The following P4HB variants were observed in gnomAD, a reference collection of about 807,000 sequenced individuals.
P4HB encodes the protein prolyl 4-hydroxylase subunit beta, also known as protein disulfide-isomerase.
A neutral mutation model predicts 52.6 loss-of-function variants in P4HB; 20 were observed. The ratio of observed to expected loss-of-function variants is 0.38; its 90% confidence interval spans 0.27 to 0.55. The LOEUF (loss-of-function observed/expected upper bound fraction) is 0.55, where lower values mean the gene tolerates loss of function less well. Ranked by LOEUF, P4HB falls within the 20% of genes least tolerant of loss-of-function variation. The pLI, the probability that P4HB is intolerant of heterozygous loss-of-function variation, is 0.74. For missense variants in P4HB, 601 were observed against 669.2 expected (o/e 0.90, Z 1.12); for synonymous variants, 296 against 277.9 (o/e 1.07, Z -0.65).
chr17:81,855,102 C>G lies in P4HB; in HGVS notation c.624+40G>C, dbSNP rs1285188398. On this transcript the variant is annotated intron_variant, in intron 4 of 10. Coordinates refer to ENST00000331483, the MANE Select transcript of P4HB (RefSeq NM_000918.4). The surrounding 1 kb of genome is among the most constrained non-coding windows in gnomAD (Gnocchi z 4.3). ...GCAACGCCACCCTCTGCAGACCAAC[C>G]CCAGAACTAACCTGGGCAGAGCTGC... is the stretch of plus-strand genomic sequence containing the variant. 1 of 1,610,350 alleles carries G rather than the reference C, an allele frequency of 6.2e-7. No homozygotes were observed. Among genetic ancestry groups the G allele is most frequent in the African/African-American group, 1.3e-5 (1 of 74,850 alleles).
chr17:81,855,212 C>G lies in P4HB; in HGVS notation c.554G>C (p.Gly185Ala), dbSNP rs1432129084. The G allele has an allele frequency of 6.2e-7, 1 of 1,613,804 alleles. No individual in the cohort carries two copies. Among genetic ancestry groups the G allele is most frequent in the African/African-American group, 1.3e-5 (1 of 74,888 alleles). Residue 185 changes from glycine to alanine, a missense_variant, in exon 4 of 11, where the codon GGG becomes GCG. Transcript: ENST00000331483. This position sits in a 1 kb window ranked among gnomAD's most constrained non-coding sequence, Gnocchi z 4.3. ...GAACACGTCACTGTTGGAAGTGATC[C>G]CAAATGGTATGTCATCGATGGCCTC... Reference protein sequence around the residue: ...AAEAIDDIPFGITSNSDVFSK... With the variant: ...AAEAIDDIPFAITSNSDVFSK...
In P4HB at chr17:81,846,510, G is replaced by T. The variant is rs1174088702; in HGVS notation, c.975C>A (p.Thr325=). 1.2e-6 allele frequency: 2 copies of T among 1,613,942 alleles called. No individual in the cohort carries two copies. Among genetic ancestry groups the T allele is most frequent in the East Asian group, 4.5e-5 (2 of 44,882 alleles). The stretch of plus-strand genomic sequence containing the variant: ...GCTCCTCCGATTCGGGCTTGTACTT[G>T]GTCATCTCCTCCTCCAGGGTGATGA... The part of the protein sequence containing the change: ...VRLITLEEEM[T]KYKPESEELT... The change falls in exon 7 of 11, where the codon ACC becomes ACA. Residue 325 remains threonine, a synonymous_variant. Transcript: ENST00000331483. The surrounding 1 kb of genome is among the most constrained non-coding windows in gnomAD (Gnocchi z 5.7).
intron 1 of P4HB, 97 bp from the exon 2 acceptor site, chr17:81,859,484 C>T (rs1004255855): frequency 4.6e-6 from 5 of 1,082,358 alleles, no homozygotes; most frequent in Non-Finnish European, 6.9e-6. Flanking sequence ...CATTTCCCTT[C>T]ATAAAAACCT....
intron 4 of P4HB, among the ~76,000 whole-genome samples, chr17:81,848,736 CAAAAAAAAAAAA>C (rs770133887): frequency 0.012 from 305 of 24,482 alleles, 3 homozygotes; most frequent in African/African-American, 0.043. Flanking sequence ...AACTCTGTCT[CAAAAAAAAAAAA>C]AAAAAAAAAA....
intron 4 of P4HB, among the ~76,000 whole-genome samples, chr17:81,851,896 A>G (rs748646389): frequency 1.3e-5 from 2 of 152,184 alleles, no homozygotes; most frequent in African/African-American, 2.4e-5. Flanking sequence ...GAAACGCCCA[A>G]TGCAGGCCGG....
At position 81,843,349 on chromosome 17, in the gene P4HB, G is replaced by T. The variant is rs1419964409; in HGVS notation, c.*663C>A. 1.3e-5 allele frequency: 5 copies of T among 396,730 alleles called. No individual in the cohort carries two copies. The highest frequency in any genetic ancestry group is 2.2e-5 in the Non-Finnish European group (5 of 225,504). 24.6% of individuals were successfully genotyped at this position (396,730 alleles called of 1,614,324 possible). Reference sequence around the variant, plus strand: ...CTGTAGAGAGGCCAGTGGTCACAATGAGCCCACGACAGGAGGAGGAGCCCT... The same window carrying T: ...CTGTAGAGAGGCCAGTGGTCACAATTAGCCCACGACAGGAGGAGGAGCCCT... On this transcript the variant is annotated 3_prime_UTR_variant, in exon 11 of 11. Transcript: ENST00000331483.
chr17:81,851,442 G>C (rs1408735691), intron 4 of P4HB, among the ~76,000 whole-genome samples: 2 of 152,220 alleles, frequency 1.3e-5, no homozygotes, highest in Non-Finnish European at 2.9e-5. Context: ...CCGAACCCGA[G>C]GGGCAGAGGC....
chr17:81,845,536 A>G (rs375847828), intron 9 of P4HB, 25 bp downstream of exon 9: 11 of 1,565,926 alleles, frequency 7.0e-6, no homozygotes, highest in Non-Finnish European at 9.5e-6. Flanking sequence ...AGCCCGCCCC[A>G]GCCCCGTCTG....
chr17:81,846,059 A>C lies in P4HB; in HGVS notation c.1057-68T>G, dbSNP rs1598263600. ...GGGACCACAGAGCTCCCCAACCCTC[A>C]CCCTGCCCGGGACTGAGGTGCGTGG... On this transcript the variant is annotated intron_variant, in intron 7 of 10. Coordinates refer to ENST00000331483, the MANE Select transcript of P4HB (RefSeq NM_000918.4). The surrounding 1 kb of genome is among the most constrained non-coding windows in gnomAD (Gnocchi z 5.7). 4 of 1,488,522 alleles carry C rather than the reference A, an allele frequency of 2.7e-6. No individual in the cohort carries two copies. The highest frequency in any genetic ancestry group is 2.4e-5 in the Admixed American group (1 of 42,160). 92.2% of individuals were successfully genotyped at this position (1,488,522 alleles called of 1,614,324 possible).
chr17:81,849,795 C>T (rs374356239), intron 4 of P4HB, among the ~76,000 whole-genome samples: 6 of 152,076 alleles, frequency 3.9e-5, no homozygotes, highest in Admixed American at 2.6e-4. Flanking sequence ...ATCATTCCCC[C>T]GAACTACTTT....
At position 81,846,887 on chromosome 17, in the gene P4HB, C is replaced by T. The variant is rs2038743679; in HGVS notation, c.855+60G>A. The T allele has an allele frequency of 1.9e-6, 3 of 1,602,398 alleles. No homozygotes were observed. Among genetic ancestry groups the T allele is most frequent in the Middle Eastern group, 2.2e-4 (1 of 4,592 alleles). On this transcript the variant is annotated intron_variant, in intron 6 of 10. Coordinates refer to ENST00000331483, the MANE Select transcript of P4HB (RefSeq NM_000918.4). The surrounding 1 kb of genome is among the most constrained non-coding windows in gnomAD (Gnocchi z 5.7). Reference sequence around the variant, plus strand: ...CAGGAAGGCCCCACACTTGTCACCTCGGGAAGAGTTGTACTGCTCCCTGGC... The same window carrying T: ...CAGGAAGGCCCCACACTTGTCACCTTGGGAAGAGTTGTACTGCTCCCTGGC...
intron 10 of P4HB, 80 bp from the exon 11 acceptor site, chr17:81,844,172 TCACACCGGG>T (rs2038696239): frequency 1.0e-5 from 10 of 1,000,534 alleles, no homozygotes; most frequent in South Asian, 8.9e-5. Context: ...CCCACACTGC[TCACACCGGG>T]GACTAGCCGG....
rs774456938 is a variant in P4HB, at chr17:81,855,365, G to C, written c.487-86C>G. ...ACCCTGTAGAGCCCAGGCCAGGGGG[G>C]ACACGTGCAGAACTGCCAGCTGCAG... On this transcript the variant is annotated intron_variant, in intron 3 of 10. Transcript: ENST00000331483. The surrounding 1 kb of genome is among the most constrained non-coding windows in gnomAD (Gnocchi z 4.3). 5.6e-6 allele frequency: 9 copies of C among 1,597,968 alleles called. No individual in the cohort carries two copies. The highest frequency in any genetic ancestry group is 6.8e-6 in the Non-Finnish European group (8 of 1,168,578).
At chr17:81,859,790 T>G in intron 1 of P4HB, 1 of 269,006 alleles carries the variant, frequency 3.7e-6, no homozygotes, top group Non-Finnish European at 7.3e-6. Flanking sequence ...GAGTATGAGA[T>G]GCACATCCGT....
chr17:81,847,220 T>C (rs1327320393), intron 5 of P4HB, 23 bp downstream of exon 5: 2 of 1,611,186 alleles, frequency 1.2e-6, no homozygotes, highest in Admixed American at 1.7e-5. Flanking sequence ...ATCCCCAGCC[T>C]GGGGGCTGCA....
At position 81,845,144 on chromosome 17, in the gene P4HB, G is replaced by A. The variant is rs201616982; in HGVS notation, c.1446C>T (p.Asp482=). 1.3e-5 allele frequency: 21 copies of A among 1,610,642 alleles called. No individual in the cohort carries two copies. The African/African-American group carries it at 1.6e-4, about 12-fold the overall frequency. The stretch of plus-strand genomic sequence containing the variant: ...AGCCCAGGGCTGTGACCCCACTCAC[G>A]TCATCATCCCCTGCCCCATCCTGGC... ...SGGQDGAGDD[D]DLEDLEEAEE... The change falls in exon 10 of 11, where the codon GAC becomes GAT. Residue 482 remains aspartate (D), a splice_region_variant and synonymous_variant. Coordinates refer to ENST00000331483, the MANE Select transcript of P4HB (RefSeq NM_000918.4).
intron 4 of P4HB, among the ~76,000 whole-genome samples, chr17:81,850,669 GA>G (rs1432067982): frequency 6.6e-6 from 1 of 151,838 alleles, no homozygotes; most frequent in Non-Finnish European, 1.5e-5. Context: ...TTTTATTAGA[GA>G]TGGGGTTTCT....
Position 81,843,833 on chromosome 17 carries a change from G to C in P4HB, c.*179C>G, listed in dbSNP as rs1277100213. 1.6e-6 allele frequency: 1 copy of C among 629,564 alleles called. No homozygotes were observed. The highest frequency in any genetic ancestry group is 1.8e-5 in the African/African-American group (1 of 55,136). The allele number at this position is 629,564 out of a possible 1,614,324, so 39.0% of individuals were successfully genotyped here. A position where few individuals can be genotyped will look rare whatever the true frequency, so the allele number is the denominator to read the frequency against. ...ATCCCTTTCCAAAAACCGAAAAGCA[G>C]AAGGAAGAGACGGGGGTGAACGGAC... On this transcript the variant is annotated 3_prime_UTR_variant, in exon 11 of 11. Transcript: ENST00000331483.
At position 81,855,418 on chromosome 17, in the gene P4HB, G is replaced by A. The variant is rs200253502; in HGVS notation, c.486+35C>T. ...TGTGGACCCCTCCTCAATGGATGAC[G>A]GAAGGAAGGAAGACTGGAATGCTCT... On this transcript the variant is annotated intron_variant, in intron 3 of 10. Transcript: ENST00000331483. The surrounding 1 kb of genome is among the most constrained non-coding windows in gnomAD (Gnocchi z 4.3). 1.3e-5 allele frequency: 20 copies of A among 1,598,368 alleles called. No individual in the cohort carries two copies. Among genetic ancestry groups the A allele is most frequent in the Admixed American group, 6.8e-5 (4 of 59,080 alleles).
Sources: gnomAD v4.1 joint callset for allele counts (sites outside exome capture counted in the v4.1 genomes callset) on GRCh38, gnomAD v4.1.1 for gene constraint, Gnocchi (gnomAD v3.1) non-coding constraint, MANE v1.5 for transcripts, NCBI Gene and HGNC (gene_info 2026-07-23, HGNC 2026-07-21) for gene names.